The following SERGEF variants were observed in gnomAD, a reference collection of about 807,000 sequenced individuals.
SERGEF encodes secretion regulating guanine nucleotide exchange factor.
SERGEF carries 51 observed loss-of-function variants against 50.0 expected under a neutral mutation model. That is an observed-to-expected ratio of 1.02 (90% CI 0.81 to 1.29). SERGEF has a LOEUF of 1.29. Ranked by LOEUF, SERGEF falls within the 50% of genes most tolerant of loss-of-function variation. The pLI, the probability that SERGEF is intolerant of heterozygous loss-of-function variation, is 0.00. For missense variants in SERGEF, 521 were observed against 557.0 expected, an observed-to-expected ratio of 0.94 and a Z score of 0.65; for synonymous variants, 205 against 212.4, an observed-to-expected ratio of 0.97 and a Z score of 0.30.
At chr11:17,826,239 G>A (rs945192069) in intron 10 of SERGEF, among the ~76,000 whole-genome samples, 1 of 152,208 alleles carries the variant, frequency 6.6e-6, no homozygotes, top group East Asian at 1.9e-4. Flanking sequence ...CCAAAGCTAT[G>A]CCAAGCCATA....
At chr11:17,900,137 C>A (rs1200425569) in intron 9 of SERGEF, among the ~76,000 whole-genome samples, 1 of 152,110 alleles carries the variant, frequency 6.6e-6, no homozygotes, top group African/African-American at 2.4e-5. Context: ...AGGGGCAGTA[C>A]ACATAGTGGC....
At position 17,919,975 on chromosome 11, in the gene SERGEF, C is replaced by A. The variant is rs186612893; in HGVS notation, c.1011+39495G>T. ...AAAAAAAAAAAACCGCAGCCAGGCA[C>A]GGTGGCTCACGCCTGTAATCCCAAC... On this transcript the variant is annotated intron_variant, in intron 9 of 10. Coordinates refer to ENST00000265965, the MANE Select transcript of SERGEF (RefSeq NM_012139.4). Among the ~76,000 whole-genome samples the A allele has an allele frequency of 8.5e-3, 1,263 of 148,734 alleles. 17 individuals are homozygous for A. The highest frequency in any genetic ancestry group is 0.03 in the African/African-American group (1,197 of 40,424).
At chr11:17,848,665 C>T (rs1850658869) in intron 10 of SERGEF, among the ~76,000 whole-genome samples, 1 of 152,078 alleles carries the variant, frequency 6.6e-6, no homozygotes, top group Non-Finnish European at 1.5e-5. Flanking sequence ...TATCCATTAC[C>T]AAATGTTAGT....
At chr11:17,795,636 G>A (rs999252704) in intron 10 of SERGEF, among the ~76,000 whole-genome samples, 5 of 152,132 alleles carry the variant, frequency 3.3e-5, no homozygotes, top group Admixed American at 6.5e-5. Flanking sequence ...GCTTGCTGTC[G>A]GCTCCCCGAA....
At chr11:17,830,630 A>G (rs370648306) in intron 10 of SERGEF, among the ~76,000 whole-genome samples, 2,083 of 24,714 alleles carry the variant, frequency 0.084, no homozygotes, top group Middle Eastern at 0.26. Flanking sequence ...GAGAGAGGGA[A>G]AGGGGGAGGG....
At chr11:17,927,402 GA>G (rs1852271943) in intron 9 of SERGEF, among the ~76,000 whole-genome samples, 1 of 152,158 alleles carries the variant, frequency 6.6e-6, no homozygotes, top group African/African-American at 2.4e-5. Flanking sequence ...CAACATACCC[GA>G]TTTTGGTTCT....
At chr11:17,814,031 C>T (rs1762165138) in intron 10 of SERGEF, among the ~76,000 whole-genome samples, 1 of 152,306 alleles carries the variant, frequency 6.6e-6, no homozygotes, top group Non-Finnish European at 1.5e-5. Flanking sequence ...TAAGTGAAAC[C>T]TCTTCAAACC....
rs1851388566 is a variant in SERGEF at position 17,884,229 on chromosome 11, AG to A, written c.1012-5986del. ...GTACGTGCGGAAACACATGATGGCCAGGGTGGAAGGGGAGTAACGGGGTTTA... is the reference window on the plus strand; with the variant it reads ...GTACGTGCGGAAACACATGATGGCCAGGTGGAAGGGGAGTAACGGGGTTTA... On this transcript the variant is annotated intron_variant, in intron 9 of 10. Coordinates refer to ENST00000265965, the MANE Select transcript of SERGEF (RefSeq NM_012139.4). This position sits in a 1 kb window ranked among gnomAD's most constrained non-coding sequence, Gnocchi z 4.6. Among the ~76,000 whole-genome samples, 1 of 152,216 alleles carries A rather than the reference AG, an allele frequency of 6.6e-6. No homozygotes were observed. Among genetic ancestry groups the A allele is most frequent in the Non-Finnish European group, 1.5e-5 (1 of 68,032 alleles).
intron 10 of SERGEF, among the ~76,000 whole-genome samples, chr11:17,838,018 T>G (rs1373936805): frequency 6.6e-6 from 1 of 152,172 alleles, no homozygotes; most frequent in Non-Finnish European, 1.5e-5. Flanking sequence ...CTTGATACAA[T>G]CACCAAATAG....
intron 10 of SERGEF, among the ~76,000 whole-genome samples, chr11:17,833,476 CCACA>C (rs1282046752): frequency 6.6e-6 from 1 of 152,214 alleles, no homozygotes; most frequent in Non-Finnish European, 1.5e-5. Context: ...GTGGGATTCC[CCACA>C]CAGAGTCCCT....
intron 8 of SERGEF, among the ~76,000 whole-genome samples, chr11:17,985,363 A>G (rs1853572995): frequency 6.6e-6 from 1 of 152,222 alleles, no homozygotes; most frequent in African/African-American, 2.4e-5. Context: ...GAGGAAACTG[A>G]GGCCTAAACA....
chr11:17,829,702 C>A (rs754821917), intron 10 of SERGEF, among the ~76,000 whole-genome samples: 1 of 152,104 alleles, frequency 6.6e-6, no homozygotes, highest in Non-Finnish European at 1.5e-5. Context: ...AAAAAGTAAA[C>A]CTACAAACAA....
At chr11:17,825,838 G>A (rs552471825) in intron 10 of SERGEF, among the ~76,000 whole-genome samples, 1 of 152,268 alleles carries the variant, frequency 6.6e-6, no homozygotes, top group African/African-American at 2.4e-5. Context: ...TATACAGAAA[G>A]ATGAAACATC....
chr11:17,993,719 C>T (rs1481873470), intron 6 of SERGEF, among the ~76,000 whole-genome samples: 2 of 152,072 alleles, frequency 1.3e-5, no homozygotes, highest in Admixed American at 6.5e-5. Flanking sequence ...TTCAAGTGTC[C>T]TCTGGAATGA....
At chr11:17,922,343 T>A (rs1443682082) in intron 9 of SERGEF, among the ~76,000 whole-genome samples, 1 of 152,152 alleles carries the variant, frequency 6.6e-6, no homozygotes, top group Admixed American at 6.5e-5. Flanking sequence ...GGATTATTCA[T>A]CAAGGTACCA....
In SERGEF at chr11:17,973,673, G is replaced by T. The variant is rs139607486; in HGVS notation, c.845-14037C>A. Among the ~76,000 whole-genome samples the T allele has an allele frequency of 6.4e-3, 976 of 152,266 alleles. 8 individuals carry two copies. Among genetic ancestry groups the T allele is most frequent in the African/African-American group, 0.022 (908 of 41,550 alleles). ...CCCCATCCCTGGGAAACTGTCCCAGGTTCTTCAAGAGAGATTAGTATAAAA... is the reference window on the plus strand; with the variant it reads ...CCCCATCCCTGGGAAACTGTCCCAGTTTCTTCAAGAGAGATTAGTATAAAA... On this transcript the variant is annotated intron_variant, in intron 8 of 10. Transcript: ENST00000265965.
At chr11:17,934,038 A>G (rs1852403863) in intron 9 of SERGEF, among the ~76,000 whole-genome samples, 1 of 152,138 alleles carries the variant, frequency 6.6e-6, no homozygotes. Context: ...CAAAATGTTC[A>G]TGGAATTAAC....
chr11:17,931,652 G>A lies in SERGEF; in HGVS notation c.1011+27818C>T, dbSNP rs114746727. On this transcript the variant is annotated intron_variant, in intron 9 of 10. Coordinates refer to ENST00000265965, the MANE Select transcript of SERGEF (RefSeq NM_012139.4). ...GAACCCAGTCCATATGCCACAAGGT[G>A]ACTTCTGTGAGCACTTAGGCCAAAG... Among the ~76,000 whole-genome samples, 988 of 152,272 alleles carry A rather than the reference G, an allele frequency of 6.5e-3. 9 individuals are homozygous for A. Among genetic ancestry groups the A allele is most frequent in the African/African-American group, 0.022 (921 of 41,554 alleles).
intron 9 of SERGEF, among the ~76,000 whole-genome samples, chr11:17,936,920 C>G (rs1365504584): frequency 6.6e-6 from 1 of 152,126 alleles, no homozygotes; most frequent in Non-Finnish European, 1.5e-5. Context: ...ATCCAGGAAT[C>G]CTAATCCTAG....
Sources: gnomAD v4.1 joint callset for allele counts (sites outside exome capture counted in the v4.1 genomes callset) on GRCh38, gnomAD v4.1.1 for gene constraint, Gnocchi (gnomAD v3.1) non-coding constraint, MANE v1.5 for transcripts, NCBI Gene and HGNC (gene_info 2026-07-23, HGNC 2026-07-21) for gene names.